SGCG: variants seen among roughly 807,000 people sequenced by gnomAD.
SGCG encodes sarcoglycan gamma, also known as gamma-sarcoglycan.
SGCG carries 26 observed loss-of-function variants against 29.3 expected under a neutral mutation model. The observed-to-expected ratio is 0.89, with a 90% CI of 0.65 to 1.23. The LOEUF (loss-of-function observed/expected upper bound fraction) is 1.23, where lower values mean the gene tolerates loss of function less well. Ranked by LOEUF, SGCG falls within the 50% of genes most tolerant of loss-of-function variation. The pLI is 0.00. For synonymous variants in SGCG, 145 were observed against 129.7 expected (o/e 1.12, Z -0.80); for missense variants, 353 against 356.0 (o/e 0.99, Z 0.07).
At chr13:23,199,107 C>CAAA (rs35004017) in intron 1 of SGCG, among the ~76,000 whole-genome samples, 2 of 137,604 alleles carry the variant, frequency 1.5e-5, no homozygotes, top group Non-Finnish European at 1.6e-5. Context: ...GACTCCGTCT[C>CAAA]AAAAAAAAAA....
the SGCG span, among the ~76,000 whole-genome samples, chr13:23,175,581 C>T: frequency 6.6e-6 from 1 of 152,070 alleles, no homozygotes; most frequent in Non-Finnish European, 1.5e-5. Flanking sequence ...TTAGGTAGTA[C>T]TCTATTTTCT....
intron 6 of SGCG, among the ~76,000 whole-genome samples, chr13:23,297,968 C>T (rs1881973757): frequency 6.6e-6 from 1 of 151,928 alleles, no homozygotes; most frequent in South Asian, 2.1e-4. Flanking sequence ...TGGTCTTGAA[C>T]TCCTGAGCTC....
chr13:23,295,693 T>A (rs916093288), intron 6 of SGCG, among the ~76,000 whole-genome samples: 12 of 152,228 alleles, frequency 7.9e-5, no homozygotes, highest in African/African-American at 2.9e-4. Context: ...ACTTGGTGCC[T>A]GTTCACAGCC....
intron 5 of SGCG, among the ~76,000 whole-genome samples, chr13:23,285,938 C>T (rs1881481448): frequency 6.6e-6 from 1 of 152,182 alleles, no homozygotes; most frequent in African/African-American, 2.4e-5. Flanking sequence ...GTGGGCTGCA[C>T]CCACTGTCTA....
intron 1 of SGCG, among the ~76,000 whole-genome samples, chr13:23,188,309 G>A (rs1346628565): frequency 1.6e-5 from 2 of 124,430 alleles, no homozygotes; most frequent in African/African-American, 5.9e-5. Flanking sequence ...CTTTTACTAA[G>A]GCTTTTTTTT....
In SGCG at chr13:23,252,945, C is replaced by G. The variant is rs111551249; in HGVS notation, c.385+2228C>G. On this transcript the variant is annotated intron_variant, in intron 4 of 7. Transcript: ENST00000218867. ...GCTTACTTCTCTCAGCCAGCTGTTT[C>G]CACTGGCCCTCCTCTCTAATCAGAT... Among the ~76,000 whole-genome samples, 957 of 152,250 alleles carry G rather than the reference C, an allele frequency of 6.3e-3. 9 individuals are homozygous for G. Among genetic ancestry groups the G allele is most frequent in the African/African-American group, 0.021 (890 of 41,542 alleles).
intron 5 of SGCG, among the ~76,000 whole-genome samples, chr13:23,291,181 GCTTT>G (rs1351054965): frequency 6.6e-6 from 1 of 152,068 alleles, no homozygotes; most frequent in Non-Finnish European, 1.5e-5. Context: ...ATTAGACTAG[GCTTT>G]CTTTTATTTT....
chr13:23,252,187 T>A (rs548842024), intron 4 of SGCG, among the ~76,000 whole-genome samples: 94 of 152,298 alleles, frequency 6.2e-4, no homozygotes, highest in African/African-American at 2.2e-3. Context: ...AGTATTATCA[T>A]TTATCTTTAC....
chr13:23,265,798 G>A (rs540260176), intron 4 of SGCG, among the ~76,000 whole-genome samples: 4 of 152,224 alleles, frequency 2.6e-5, no homozygotes, highest in South Asian at 2.1e-4. Context: ...TGGTGAAAAA[G>A]GAATGCTTAG....
At chr13:23,299,405 G>GGC (rs1314516033) in intron 6 of SGCG, among the ~76,000 whole-genome samples, 25 of 76,098 alleles carry the variant, frequency 3.3e-4, no homozygotes, top group African/African-American at 1.3e-3. Flanking sequence ...TATCTTAGTT[G>GGC]GCATATATAT....
intron 5 of SGCG, among the ~76,000 whole-genome samples, chr13:23,290,505 G>T (rs900480673): frequency 5.9e-5 from 9 of 152,176 alleles, no homozygotes; most frequent in African/African-American, 2.2e-4. Flanking sequence ...ATTGTCATTG[G>T]ATTTATTATT....
the SGCG span, among the ~76,000 whole-genome samples, chr13:23,169,136 C>T: frequency 6.6e-6 from 1 of 151,862 alleles, no homozygotes. Flanking sequence ...TTTCTCTACC[C>T]TCATTTTTGA....
intron 6 of SGCG, among the ~76,000 whole-genome samples, chr13:23,317,676 T>A (rs1593110701): frequency 6.6e-6 from 1 of 152,314 alleles, no homozygotes; most frequent in Admixed American, 6.5e-5. Flanking sequence ...TGTAATAGTA[T>A]TTGGGTTGGG....
chr13:23,258,924 T>C (rs903222843), intron 4 of SGCG, among the ~76,000 whole-genome samples: 2 of 152,228 alleles, frequency 1.3e-5, no homozygotes, highest in African/African-American at 4.8e-5. Flanking sequence ...CTAAGCTTTT[T>C]GATGTGCTGC....
At chr13:23,166,697 C>A in the SGCG span, among the ~76,000 whole-genome samples, 5 of 152,180 alleles carry the variant, frequency 3.3e-5, no homozygotes, top group Admixed American at 3.3e-4. Flanking sequence ...GAGGTCTGCT[C>A]TGCACTTTTC....
At chr13:23,289,273 A>C (rs1363840606) in intron 5 of SGCG, among the ~76,000 whole-genome samples, 1 of 152,248 alleles carries the variant, frequency 6.6e-6, no homozygotes, top group Non-Finnish European at 1.5e-5. Context: ...CAATTAAAAC[A>C]GGCTTAAACT....
chr13:23,300,951 G>A (rs12865632), intron 6 of SGCG, among the ~76,000 whole-genome samples: 13,157 of 151,862 alleles, frequency 0.087, 650 homozygotes, highest in South Asian at 0.13. Context: ...CCATCTCTAC[G>A]AAAAATACAA....
rs559519061 is a variant in SGCG at position 23,249,650 on chromosome 13, C to CA, written c.298-977dup. Among the ~76,000 whole-genome samples, 546 of 152,092 alleles carry CA rather than the reference C, an allele frequency of 3.6e-3. 4 individuals are homozygous for CA. Among genetic ancestry groups the CA allele is most frequent in the African/African-American group, 0.012 (515 of 41,484 alleles). ...ATTTTTTTTAAATCAATAGTAGAGT[C>CA]AAATATTGGCAAAATCTGGATATAC... On this transcript the variant is annotated intron_variant, in intron 3 of 7. Transcript: ENST00000218867.
At chr13:23,305,117 G>A (rs1882316157) in intron 6 of SGCG, among the ~76,000 whole-genome samples, 2 of 152,136 alleles carry the variant, frequency 1.3e-5, no homozygotes, top group Middle Eastern at 3.2e-3. Context: ...AACTTATTTT[G>A]TATTAGGATT....
Sources: allele counts gnomAD v4.1 joint callset (sites outside exome capture counted in the v4.1 genomes callset), GRCh38; gene constraint gnomAD v4.1.1; transcripts MANE v1.5; gene names NCBI Gene and HGNC (gene_info 2026-07-23, HGNC 2026-07-21).